BCAR3: variants seen among roughly 807,000 people sequenced by gnomAD.
BCAR3 encodes BCAR3 adaptor protein, NSP family member, also known as breast cancer anti-estrogen resistance protein 3.
In BCAR3, 37 loss-of-function variants were observed where a neutral mutation model predicts 80.1. That is an observed-to-expected ratio of 0.46 (90% CI 0.36 to 0.61). The LOEUF is 0.61. Ranked by LOEUF, BCAR3 falls within the 20% of genes least tolerant of loss-of-function variation. The pLI is 0.00. For synonymous variants in BCAR3, 389 were observed against 418.9 expected (o/e 0.93, Z 0.87); for missense variants, 978 against 1,068.2 (o/e 0.92, Z 1.18).
intron 3 of BCAR3, chr1:93,614,194 A>C: frequency 6.5e-6 from 8 of 1,223,532 alleles, no homozygotes; most frequent in Non-Finnish European, 8.2e-6. Flanking sequence ...AGAAATTCTC[A>C]TGTGACCAGA....
chr1:93,707,048 G>A (rs1197949297), intron 2 of BCAR3, among the ~76,000 whole-genome samples: 2 of 151,876 alleles, frequency 1.3e-5, no homozygotes, highest in South Asian at 2.1e-4. Context: ...GGTGGCGGGC[G>A]CCTGTAATCC....
In BCAR3 at chr1:93,825,579, T is replaced by G. The variant is rs778316292; in HGVS notation, c.-63+19988A>C. 1.3e-4 allele frequency among the ~76,000 whole-genome samples: 17 copies of G among 133,682 alleles called. 2 individuals carry two copies. The highest frequency in any genetic ancestry group is 2.5e-4 in the Non-Finnish European group (15 of 59,192). 87.7% of individuals were successfully genotyped at this position (133,682 alleles called of 152,430 possible). On this transcript the variant is annotated intron_variant, in intron 2 of 13. Transcript: ENST00000370244. ...ATGCTCCCTGCCTTTCTGCACTCTC[T>G]GCCTGCCCCTTGCCATGGAGATTCC...
chr1:93,585,186 C>T (rs149128434), intron 5 of BCAR3: 12,186 of 985,536 alleles, frequency 0.012, 78 homozygotes, highest in Non-Finnish European at 0.014. Flanking sequence ...GAGCACACAC[C>T]TTCGCCCAGG....
chr1:93,672,398 TAA>T (rs1648257199), intron 2 of BCAR3, among the ~76,000 whole-genome samples: 1 of 145,674 alleles, frequency 6.9e-6, no homozygotes, highest in Non-Finnish European at 1.5e-5. Flanking sequence ...CTTCAAGGAG[TAA>T]GTCTATAAAC....
chr1:93,705,763 G>C (rs1649809633), intron 3 of BCAR3, among the ~76,000 whole-genome samples: 1 of 152,176 alleles, frequency 6.6e-6, no homozygotes, highest in Non-Finnish European at 1.5e-5. Flanking sequence ...ACTGTTGTGA[G>C]AATTTAATGA....
chr1:93,688,778 T>TTTTG (rs139919913), intron 3 of BCAR3, among the ~76,000 whole-genome samples: 39 of 150,596 alleles, frequency 2.6e-4, no homozygotes, highest in East Asian at 3.9e-4. Context: ...TTTTGTTTGT[T>TTTTG]TTTGTTTGTT....
In BCAR3 at chr1:93,589,096, T is replaced by C. The variant is rs143341257; in HGVS notation, c.810A>G (p.Pro270=). Residue 270 remains proline, a synonymous_variant, in exon 5 of 12, where the codon CCA becomes CCG. Transcript: ENST00000260502. ...RCLEEHYGTS[P]GQAREGSLTK... The stretch of plus-strand genomic sequence containing the variant: ...TGAGGCTGCCCTCCCGGGCCTGGCC[T>C]GGGGAGGTGCCATAATGCTCCTCCA... 327 of 1,612,820 alleles carry C rather than the reference T, an allele frequency of 2.0e-4. 1 individual carries two copies. The African/African-American group carries it at 2.8e-3, about 14-fold the overall frequency.
chr1:93,746,655 C>T (rs536247072), intron 2 of BCAR3, among the ~76,000 whole-genome samples: 4 of 152,316 alleles, frequency 2.6e-5, no homozygotes, highest in South Asian at 4.2e-4. Context: ...CCCAACTCCA[C>T]ACCCTACCAT....
chr1:93,588,557 C>T (rs904349084), intron 5 of BCAR3, among the ~76,000 whole-genome samples: 4 of 152,170 alleles, frequency 2.6e-5, no homozygotes, highest in Admixed American at 6.5e-5. Context: ...CCCACTGCTA[C>T]GGGTCCCTTG....
chr1:93,777,343 CT>C (rs1488239827), intron 2 of BCAR3, among the ~76,000 whole-genome samples: 1 of 151,820 alleles, frequency 6.6e-6, no homozygotes, highest in African/African-American at 2.4e-5. Flanking sequence ...AATATTTCTT[CT>C]GCTTTCTTCT....
At chr1:93,622,429 C>T (rs1423513687) in intron 3 of BCAR3, among the ~76,000 whole-genome samples, 2 of 152,180 alleles carry the variant, frequency 1.3e-5, no homozygotes, top group African/African-American at 4.8e-5. Context: ...GAAAGGCAGA[C>T]CTCCCTCCAA....
chr1:93,814,304 TA>T (rs1303448137), intron 2 of BCAR3, among the ~76,000 whole-genome samples: 2 of 152,216 alleles, frequency 1.3e-5, no homozygotes, highest in East Asian at 3.8e-4. Context: ...ATGCCCTGAG[TA>T]CGAACTCTGA....
chr1:93,840,962 TC>T (rs545428387), intron 2 of BCAR3, among the ~76,000 whole-genome samples: 117 of 151,968 alleles, frequency 7.7e-4, no homozygotes, highest in African/African-American at 2.7e-3. Context: ...GAAGACGTGC[TC>T]CCCCCACTTT....
At chr1:93,568,607 A>C (rs1474111196) in intron 9 of BCAR3, among the ~76,000 whole-genome samples, 1 of 152,224 alleles carries the variant, frequency 6.6e-6, no homozygotes, top group East Asian at 1.9e-4. Context: ...AAAGCTCTTG[A>C]AATAAAACTG....
intron 4 of BCAR3, among the ~76,000 whole-genome samples, chr1:93,590,073 G>A (rs1188773814): frequency 1.3e-5 from 2 of 152,178 alleles, no homozygotes; most frequent in Non-Finnish European, 2.9e-5. Context: ...ATGCAGGACT[G>A]GGGTATAGAT....
chr1:93,616,996 C>T (rs1433079471), intron 3 of BCAR3, among the ~76,000 whole-genome samples: 1 of 152,228 alleles, frequency 6.6e-6, no homozygotes, highest in South Asian at 2.1e-4. Flanking sequence ...ATGTTGCCCA[C>T]CCTCTAATTC....
At chr1:93,776,301 C>T (rs1465285402) in intron 2 of BCAR3, among the ~76,000 whole-genome samples, 1 of 152,152 alleles carries the variant, frequency 6.6e-6, no homozygotes, top group Non-Finnish European at 1.5e-5. Flanking sequence ...GTCCCCACCA[C>T]CAAGTTTCAT....
At chr1:93,805,972 CAATAAT>C (rs570280634) in intron 2 of BCAR3, among the ~76,000 whole-genome samples, 1 of 151,376 alleles carries the variant, frequency 6.6e-6, no homozygotes, top group Non-Finnish European at 1.5e-5. Flanking sequence ...TCCAAAATAA[CAATAAT>C]AAGGTTAAAT....
At chr1:93,675,774 C>A (rs1333662993) in intron 1 of BCAR3, among the ~76,000 whole-genome samples, 1 of 151,924 alleles carries the variant, frequency 6.6e-6, no homozygotes, top group Non-Finnish European at 1.5e-5. Context: ...CAAGTAGCCC[C>A]GACACTCTCT....
Sources: gnomAD v4.1 joint callset for allele counts (sites outside exome capture counted in the v4.1 genomes callset) on GRCh38, gnomAD v4.1.1 for gene constraint, MANE v1.5 for transcripts, NCBI Gene and HGNC (gene_info 2026-07-23, HGNC 2026-07-21) for gene names.